ANKRD6: variants seen among roughly 807,000 people sequenced by gnomAD.
ANKRD6 encodes ankyrin repeat domain 6.
In ANKRD6, 56 loss-of-function variants were observed where a neutral mutation model predicts 82.3. The ratio of observed to expected loss-of-function variants is 0.68; its 90% CI spans 0.55 to 0.85. The LOEUF is 0.85. ANKRD6 is among the 40% of genes least tolerant of loss of function. The pLI is 0.00. For synonymous variants in ANKRD6, 347 were observed against 352.1 expected (o/e 0.99, Z 0.16); for missense variants, 852 against 907.6 (o/e 0.94, Z 0.79).
At chr6:89,449,488 C>A (rs1399621951) in intron 1 of ANKRD6, among the ~76,000 whole-genome samples, 1 of 152,170 alleles carries the variant, frequency 6.6e-6, no homozygotes, top group Non-Finnish European at 1.5e-5. Flanking sequence ...AAACTAGAGC[C>A]AGGAGAGCAT....
At chr6:89,447,766 G>A (rs1054818615) in intron 1 of ANKRD6, among the ~76,000 whole-genome samples, 3 of 152,076 alleles carry the variant, frequency 2.0e-5, no homozygotes, top group Admixed American at 6.5e-5. Flanking sequence ...TCGGGTCACT[G>A]CAACCTCTGC....
At chr6:89,536,708 T>C (rs1783883486) in intron 1 of ANKRD6, among the ~76,000 whole-genome samples, 2 of 152,212 alleles carry the variant, frequency 1.3e-5, no homozygotes, top group Admixed American at 1.3e-4. Context: ...TGAATGCTCT[T>C]CATATTATCT....
At chr6:89,548,718 G>A (rs1785424146) in intron 1 of ANKRD6, among the ~76,000 whole-genome samples, 1 of 152,204 alleles carries the variant, frequency 6.6e-6, no homozygotes, top group Non-Finnish European at 1.5e-5. Context: ...TGAAAAAAGA[G>A]GCTTCTCCTT....
chr6:89,469,046 A>G (rs976517401), intron 1 of ANKRD6, among the ~76,000 whole-genome samples: 3 of 152,124 alleles, frequency 2.0e-5, no homozygotes, highest in Admixed American at 6.6e-5. Flanking sequence ...TTACCTTTGC[A>G]CTTTCCTATA....
Position 89,567,053 on chromosome 6 carries a change from T to C in ANKRD6, c.77T>C (p.Val26Ala). Residue 26 changes from valine to alanine, a missense_variant, in exon 2 of 16, where the codon GTG becomes GCG. By Grantham distance (64) the Val-to-Ala change is moderately conservative (BLOSUM62 0). Coordinates refer to ENST00000339746, the MANE Select transcript of ANKRD6 (RefSeq NM_001242809.2). ...GCGTACAAAGGCCAAACAGAGAATG[T>C]GGTTCAGCTCATCAACAAGGGCGCC... Reference protein sequence around the residue: ...VAAYKGQTENVVQLINKGARV... With the variant: ...VAAYKGQTENAVQLINKGARV... 6.2e-7 allele frequency: 1 copy of C among 1,606,798 alleles called. No individual in the cohort carries two copies. Among genetic ancestry groups the C allele is most frequent in the Admixed American group, 1.7e-5 (1 of 59,188 alleles).
At chr6:89,575,609 A>G (rs1462733736) in intron 2 of ANKRD6, among the ~76,000 whole-genome samples, 1 of 152,200 alleles carries the variant, frequency 6.6e-6, no homozygotes, top group Non-Finnish European at 1.5e-5. Flanking sequence ...TTAAAAAAAA[A>G]TAAGCGATTT....
chr6:89,483,046 G>A (rs866207700), intron 1 of ANKRD6, among the ~76,000 whole-genome samples: 10 of 152,292 alleles, frequency 6.6e-5, no homozygotes, highest in Admixed American at 4.6e-4. Context: ...AGTGCAAGAT[G>A]TAACATGCTT....
intron 1 of ANKRD6, among the ~76,000 whole-genome samples, chr6:89,466,141 G>A (rs915563182): frequency 1.3e-5 from 2 of 151,886 alleles, no homozygotes; most frequent in Non-Finnish European, 2.9e-5. Flanking sequence ...ATATCATGAG[G>A]GTTTTCCCAT....
At chr6:89,448,231 T>C (rs1335230990) in intron 1 of ANKRD6, among the ~76,000 whole-genome samples, 1 of 151,890 alleles carries the variant, frequency 6.6e-6, no homozygotes, top group South Asian at 2.1e-4. Flanking sequence ...ACCCAGGAGT[T>C]TGAGACCAGC....
In ANKRD6 at chr6:89,632,054, T is replaced by C. The variant is rs1384802727; in HGVS notation, c.*1050T>C. ...GAAATATAAACACAGAACAAAGTTG[T>C]AAAAGTAGCATGGATATGTTGAAAC... On this transcript the variant is annotated 3_prime_UTR_variant, in exon 16 of 16. Coordinates refer to ENST00000339746, the MANE Select transcript of ANKRD6 (RefSeq NM_001242809.2). The C allele has an allele frequency of 2.6e-5, 4 of 152,248 alleles. No individual in the cohort carries two copies. Among genetic ancestry groups the C allele is most frequent in the African/African-American group, 7.2e-5 (3 of 41,472 alleles). The allele number at this position is 152,248 out of a possible 1,614,324, so 9.4% of individuals were successfully genotyped here. A position where few individuals can be genotyped will look rare whatever the true frequency, so the allele number is the denominator to read the frequency against.
chr6:89,536,280 A>C lies in ANKRD6; in HGVS notation c.-143-30554A>C, dbSNP rs959513385. 4.6e-4 allele frequency among the ~76,000 whole-genome samples: 70 copies of C among 152,206 alleles called. 1 individual carries two copies. On this transcript the variant is annotated intron_variant, in intron 1 of 15. Coordinates refer to ENST00000339746, the MANE Select transcript of ANKRD6 (RefSeq NM_001242809.2). The stretch of plus-strand genomic sequence containing the variant: ...CCACAATGTGTGGCCCACAGCAAAA[A>C]GCTCAATAAACATTAGCACTCTTGC...
intron 5 of ANKRD6, among the ~76,000 whole-genome samples, chr6:89,609,323 C>T (rs953031882): frequency 3.9e-4 from 60 of 152,010 alleles, no homozygotes; most frequent in African/African-American, 1.4e-3. Flanking sequence ...CTTTTTGAGA[C>T]AGAGTTTCAC....
chr6:89,587,613 C>T (rs1301273330), intron 2 of ANKRD6, among the ~76,000 whole-genome samples: 2 of 152,184 alleles, frequency 1.3e-5, no homozygotes, highest in African/African-American at 2.4e-5. Flanking sequence ...TTTTACAGGG[C>T]CATCCTAATA....
chr6:89,535,345 T>C (rs1443670899), intron 1 of ANKRD6, among the ~76,000 whole-genome samples: 1 of 152,132 alleles, frequency 6.6e-6, no homozygotes, highest in Non-Finnish European at 1.5e-5. Flanking sequence ...GGGAAAAATA[T>C]ATATTTGGTT....
At chr6:89,598,897 C>T (rs1025730996) in intron 3 of ANKRD6, among the ~76,000 whole-genome samples, 1 of 152,166 alleles carries the variant, frequency 6.6e-6, no homozygotes, top group Non-Finnish European at 1.5e-5. Flanking sequence ...ATGCATCTGA[C>T]CTTTTCTGAG....
intron 1 of ANKRD6, among the ~76,000 whole-genome samples, chr6:89,440,623 T>C (rs111776786): frequency 2.0e-5 from 3 of 152,276 alleles, no homozygotes; most frequent in Non-Finnish European, 2.9e-5. Flanking sequence ...ATACTTTTCA[T>C]TGGAATTAAA....
chr6:89,618,116 C>A, intron 9 of ANKRD6, 85 bp downstream of exon 9: 1 of 1,417,470 alleles, frequency 7.1e-7, no homozygotes, highest in Non-Finnish European at 1.0e-6. Context: ...ACTGAAGCCT[C>A]TTCAAACTAA....
At chr6:89,498,546 C>T (rs6941123) in intron 1 of ANKRD6, among the ~76,000 whole-genome samples, 50,385 of 151,518 alleles carry the variant, frequency 0.33, 8,626 homozygotes, top group African/African-American at 0.37. Context: ...ACCTTGTTTA[C>T]ATTTTGCTTT....
chr6:89,555,691 T>G (rs976823689), intron 1 of ANKRD6, among the ~76,000 whole-genome samples: 1 of 152,140 alleles, frequency 6.6e-6, no homozygotes, highest in African/African-American at 2.4e-5. Flanking sequence ...AAGTACCTTT[T>G]GGCCAAGCTA....
Sources: gnomAD v4.1 joint callset for allele counts (sites outside exome capture counted in the v4.1 genomes callset) on GRCh38, gnomAD v4.1.1 for gene constraint, MANE v1.5 for transcripts, NCBI Gene and HGNC (gene_info 2026-07-23, HGNC 2026-07-21) for gene names.